The following LIN37 variants were observed in gnomAD, a reference collection of about 807,000 sequenced individuals.
LIN37 encodes lin-37 DREAM MuvB core complex component.
A neutral mutation model predicts 38.0 loss-of-function variants in LIN37; 21 were observed. That is an observed-to-expected ratio of 0.55 (90% confidence interval 0.39 to 0.80). LIN37 has a LOEUF of 0.80. LIN37 is among the 30% of genes least tolerant of loss of function. The pLI is 0.00. For synonymous variants in LIN37, 126 were observed against 122.9 expected (o/e 1.03, Z -0.17); for missense variants, 273 against 338.5 (o/e 0.81, Z 1.52).
chr19:35,748,890 A>G lies in LIN37; in HGVS notation c.34+132A>G, dbSNP rs547405966. The G allele has an allele frequency of 2.5e-5, 40 of 1,580,860 alleles. No individual in the cohort carries two copies. The African/African-American group carries it at 4.6e-4, about 18-fold the overall frequency. On this transcript the variant is annotated intron_variant, in intron 1 of 8. Coordinates refer to ENST00000301159, the MANE Select transcript of LIN37 (RefSeq NM_019104.3). ...AAGCCCACCTGACAATCGCTGTATCAGGCAGCGAGCGTTGCCTGCCACCTT... is the reference window on the plus strand; with the variant it reads ...AAGCCCACCTGACAATCGCTGTATCGGGCAGCGAGCGTTGCCTGCCACCTT...
At chr19:35,752,570 G>T in intron 3 of LIN37, 86 bp downstream of exon 3, 1 of 1,446,244 alleles carries the variant, frequency 6.9e-7, no homozygotes, top group Non-Finnish European at 9.6e-7. Flanking sequence ...TCAGCCCAGC[G>T]CTACCTCCAT....
chr19:35,752,920 T>C lies in LIN37; in HGVS notation c.198T>C (p.Ser66=). Residue 66 remains serine (S), a synonymous_variant, in exon 5 of 9, where the codon TCT becomes TCC. Transcript: ENST00000301159. ...ACTCCCTCTCCCTACGCAGGCCATC[T>C]GCCCGCTTCCCCCACCAGCGGAGGA... The part of the protein sequence containing the change: ...CSIAATGKRP[S]ARFPHQRRKK... 6.3e-7 allele frequency: 1 copy of C among 1,576,330 alleles called. No homozygotes were observed. The highest frequency in any genetic ancestry group is 8.6e-7 in the Non-Finnish European group (1 of 1,160,846).
intron 2 of LIN37, 81 bp downstream of exon 2, chr19:35,752,332 CA>C: frequency 6.4e-7 from 1 of 1,574,764 alleles, no homozygotes; most frequent in Non-Finnish European, 8.7e-7. Flanking sequence ...TGGGACCCCA[CA>C]GGCTGACTTG....
intron 1 of LIN37, among the ~76,000 whole-genome samples, chr19:35,750,955 C>T (rs1277352282): frequency 1.3e-5 from 2 of 151,030 alleles, no homozygotes; most frequent in Non-Finnish European, 1.5e-5. Context: ...AGCAAGACTC[C>T]GTCTCAAAAA....
chr19:35,753,794 G>A, intron 6 of LIN37: 1 of 539,810 alleles, frequency 1.9e-6, no homozygotes, highest in South Asian at 2.7e-5. Context: ...AGGTGTAGAT[G>A]GAGTCTCTGG....
In LIN37 at chr19:35,754,487, C is replaced by A; in HGVS notation, c.*13C>A. 1 of 1,612,214 alleles carries A rather than the reference C, an allele frequency of 6.2e-7. No individual in the cohort carries two copies. Among genetic ancestry groups the A allele is most frequent in the South Asian group, 1.1e-5 (1 of 91,042 alleles). Reference sequence around the variant, plus strand: ...CGAACGACAGTGATGTTCCCAGGTCCCCCCACACCAGTAAACATCCCCCAG... The same window carrying A: ...CGAACGACAGTGATGTTCCCAGGTCACCCCACACCAGTAAACATCCCCCAG... On this transcript the variant is annotated 3_prime_UTR_variant, in exon 9 of 9. Transcript: ENST00000301159.
intron 1 of LIN37, among the ~76,000 whole-genome samples, chr19:35,749,476 G>A (rs1970650777): frequency 6.6e-6 from 1 of 151,988 alleles, no homozygotes; most frequent in African/African-American, 2.4e-5. Flanking sequence ...GATGTAGGAT[G>A]TCCCATGGCA....
At position 35,752,957 on chromosome 19, in the gene LIN37, G is replaced by A; in HGVS notation, c.235G>A (p.Glu79Lys). 1 of 1,573,160 alleles carries A rather than the reference G, an allele frequency of 6.4e-7. No homozygotes were observed. The highest frequency in any genetic ancestry group is 1.4e-5 in the African/African-American group (1 of 74,054). The change falls in exon 5 of 9, where the codon GAG becomes AAG. Residue 79 changes from glutamate (E) to lysine (K), a missense_variant. Coordinates refer to ENST00000301159, the MANE Select transcript of LIN37 (RefSeq NM_019104.3). ...CCACCAGCGGAGGAAGAAGAGGAGGGAGATGGATGATGGGCTGGCTGAGGG... is the reference window on the plus strand; with the variant it reads ...CCACCAGCGGAGGAAGAAGAGGAGGAAGATGGATGATGGGCTGGCTGAGGG... The part of the protein sequence containing the change: ...FPHQRRKKRR[E>K]MDDGLAEGGP...
In LIN37 at chr19:35,754,034, C is replaced by T; in HGVS notation, c.462C>T (p.Asn154=). 1 of 1,613,704 alleles carries T rather than the reference C, an allele frequency of 6.2e-7. No homozygotes were observed. Among genetic ancestry groups the T allele is most frequent in the Non-Finnish European group, 8.5e-7 (1 of 1,179,854 alleles). ...GTCCCCAGGGCTCAGAGGTAACCAA[C>T]AGCAAGAGTCGTGATGTGTACAAGC... ...PEDEEGSEVT[N]SKSRDVYKLP... is the part of the protein sequence containing the mutation. Residue 154 remains asparagine (N), a synonymous_variant, in exon 7 of 9, where the codon AAC becomes AAT. Coordinates refer to ENST00000301159, the MANE Select transcript of LIN37 (RefSeq NM_019104.3).
Position 35,748,713 on chromosome 19 carries a change from C to T in LIN37, c.-12C>T, listed in dbSNP as rs760531306. ...GCCTCTGACCCAGCTAGCCAGATCC[C>T]GGACCCAAACCATGTTCCCTGTGAA... On this transcript the variant is annotated 5_prime_UTR_variant, in exon 1 of 9. Coordinates refer to ENST00000301159, the MANE Select transcript of LIN37 (RefSeq NM_019104.3). 6.2e-7 allele frequency: 1 copy of T among 1,613,854 alleles called. No individual in the cohort carries two copies. The highest frequency in any genetic ancestry group is 1.1e-5 in the South Asian group (1 of 91,086).
At chr19:35,751,614 G>T (rs903606555) in intron 1 of LIN37, among the ~76,000 whole-genome samples, 1 of 152,094 alleles carries the variant, frequency 6.6e-6, no homozygotes, top group African/African-American at 2.4e-5. Context: ...CAGCAGGACC[G>T]CTTGAGCCCA....
rs761872739 is a variant in LIN37, at chr19:35,752,172, C to G, written c.35-4C>G. 6.3e-7 allele frequency: 1 copy of G among 1,593,376 alleles called. No homozygotes were observed. Among genetic ancestry groups the G allele is most frequent in the South Asian group, 1.1e-5 (1 of 87,434 alleles). On this transcript the variant is annotated splice_region_variant and splice_polypyrimidine_tract_variant and intron_variant, in intron 1 of 8. Transcript: ENST00000301159. The stretch of plus-strand genomic sequence containing the variant: ...GACTCCTGCTGGGTCCTCTCTTGCC[C>G]CAGAGCTGGAGATGGCCAAAGCCCG...
intron 1 of LIN37, chr19:35,748,977 A>C: frequency 7.1e-7 from 1 of 1,415,380 alleles, no homozygotes; most frequent in East Asian, 2.7e-5. Flanking sequence ...TCGGGCAATG[A>C]CGTGCGTGGT....
rs887643546 is a variant in LIN37 at position 35,748,874 on chromosome 19, T to C, written c.34+116T>C. The C allele has an allele frequency of 1.5e-5, 24 of 1,594,110 alleles. No homozygotes were observed. The African/African-American group carries it at 3.1e-4, about 20-fold the overall frequency. On this transcript the variant is annotated intron_variant, in intron 1 of 8. Transcript: ENST00000301159. ...GCACGACTTTTCCCTGAAGCCCACCTGACAATCGCTGTATCAGGCAGCGAG... is the reference window on the plus strand; with the variant it reads ...GCACGACTTTTCCCTGAAGCCCACCCGACAATCGCTGTATCAGGCAGCGAG...
chr19:35,749,279 C>T lies in LIN37; in HGVS notation c.34+521C>T, dbSNP rs1798619531. 1.3e-5 allele frequency among the ~76,000 whole-genome samples: 2 copies of T among 152,062 alleles called. 1 individual carries two copies. Among genetic ancestry groups the T allele is most frequent in the Non-Finnish European group, 2.9e-5 (2 of 68,024 alleles). On this transcript the variant is annotated intron_variant, in intron 1 of 8. Coordinates refer to ENST00000301159, the MANE Select transcript of LIN37 (RefSeq NM_019104.3). ...CACATCTTGCTGTGAGCCTGAAGTA[C>T]AGGCACTCTTAATCCTCACAGTCAC...
chr19:35,754,164 A>T lies in LIN37; in HGVS notation c.585+7A>T. 1 of 1,614,000 alleles carries T rather than the reference A, an allele frequency of 6.2e-7. No homozygotes were observed. The highest frequency in any genetic ancestry group is 1.1e-5 in the South Asian group (1 of 91,084). On this transcript the variant is annotated splice_region_variant and intron_variant, in intron 7 of 8. Transcript: ENST00000301159. ...GGGCACCCCTGACGATGAGGTGAGT[A>T]TGCCAGGCTGGCCCAGGGTTATGGG...
At chr19:35,751,842 C>T (rs1970683450) in intron 1 of LIN37, 1 of 169,974 alleles carries the variant, frequency 5.9e-6, no homozygotes, top group African/African-American at 2.4e-5. Context: ...TCAAGACCAG[C>T]TTGGTCAATA....
chr19:35,750,123 C>T (rs1192772821), intron 1 of LIN37, among the ~76,000 whole-genome samples: 3 of 137,430 alleles, frequency 2.2e-5, no homozygotes, highest in East Asian at 2.3e-4. Flanking sequence ...GAGAGACACT[C>T]GGGAGGCCTA....
intron 1 of LIN37, among the ~76,000 whole-genome samples, chr19:35,750,271 A>T (rs913495447): frequency 2.0e-5 from 3 of 152,140 alleles, no homozygotes; most frequent in Admixed American, 6.5e-5. Flanking sequence ...TTCAGGAGAG[A>T]GGCTGGGCCT....
Sources: allele counts gnomAD v4.1 joint callset (sites outside exome capture counted in the v4.1 genomes callset), GRCh38; gene constraint gnomAD v4.1.1; transcripts MANE v1.5; gene names NCBI Gene and HGNC (gene_info 2026-07-23, HGNC 2026-07-21).